NTM: variants seen among roughly 807,000 people sequenced by gnomAD.
The protein encoded by NTM is neurotrimin, also known as IgLON family member 2.
In NTM, 13 loss-of-function variants were observed where a neutral mutation model predicts 42.1. That is an observed-to-expected ratio of 0.31 (90% CI 0.20 to 0.49). The LOEUF (loss-of-function observed/expected upper bound fraction) is 0.49, where lower values mean the gene tolerates loss of function less well. NTM is among the 20% of genes least tolerant of loss of function. The pLI is 0.99. For synonymous variants in NTM, 187 were observed against 179.2 expected (o/e 1.04, Z -0.35); for missense variants, 373 against 452.8 (o/e 0.82, Z 1.60).
intron 1 of NTM, among the ~76,000 whole-genome samples, chr11:131,442,830 T>TACACACACAGAC (rs1555113231): frequency 6.6e-6 from 1 of 151,888 alleles, no homozygotes; most frequent in Admixed American, 6.6e-5. Context: ...TATATATATA[T>TACACACACAGAC]ACACACACAG....
At chr11:131,395,456 AC>A (rs1432147573) in intron 1 of NTM, among the ~76,000 whole-genome samples, 3 of 152,022 alleles carry the variant, frequency 2.0e-5, no homozygotes, top group Non-Finnish European at 2.9e-5. Context: ...TCATGTGCAA[AC>A]TTTTTTCTCT....
intron 2 of NTM, among the ~76,000 whole-genome samples, chr11:132,068,698 A>G (rs2056892342): frequency 6.6e-6 from 1 of 152,230 alleles, no homozygotes; most frequent in Admixed American, 6.5e-5. Context: ...AGTAAGAGAC[A>G]TCAAAAGGGG....
At chr11:131,625,126 A>G (rs2062970145) in intron 1 of NTM, among the ~76,000 whole-genome samples, 1 of 152,168 alleles carries the variant, frequency 6.6e-6, no homozygotes, top group Non-Finnish European at 1.5e-5. Context: ...TTTATACAGA[A>G]ATCAACCTTG....
intron 2 of NTM, among the ~76,000 whole-genome samples, chr11:131,983,656 A>G (rs2065623626): frequency 6.6e-6 from 1 of 152,204 alleles, no homozygotes; most frequent in Non-Finnish European, 1.5e-5. Context: ...TATTACAGGC[A>G]TGAGCCACCA....
At chr11:131,735,078 G>A (rs1273305690) in intron 1 of NTM, among the ~76,000 whole-genome samples, 1 of 152,310 alleles carries the variant, frequency 6.6e-6, no homozygotes. Context: ...GGTCTCCAGA[G>A]GTGCTAGATT....
chr11:131,612,762 C>G (rs912846761), intron 1 of NTM, among the ~76,000 whole-genome samples: 3 of 152,230 alleles, frequency 2.0e-5, no homozygotes. Flanking sequence ...CCCAGCCACA[C>G]CAGTTGGCAG....
At chr11:131,936,212 TTAAAA>T (rs1478624562) in intron 2 of NTM, among the ~76,000 whole-genome samples, 4 of 152,212 alleles carry the variant, frequency 2.6e-5, no homozygotes, top group Non-Finnish European at 5.9e-5. Flanking sequence ...TTGGTTAAAA[TTAAAA>T]TAATAAGTTT....
At chr11:132,313,439 A>G (rs1835772091) in intron 6 of NTM, among the ~76,000 whole-genome samples, 1 of 152,162 alleles carries the variant, frequency 6.6e-6, no homozygotes, top group Admixed American at 6.5e-5. Flanking sequence ...CTTTGTGTCC[A>G]TATTCCCTGA....
chr11:132,017,048 G>A (rs1293926231), intron 2 of NTM, among the ~76,000 whole-genome samples: 2 of 151,588 alleles, frequency 1.3e-5, no homozygotes, highest in African/African-American at 4.8e-5. Flanking sequence ...TCCTTTATTA[G>A]CTGTATGATT....
At chr11:132,328,627 C>T (rs2095735936) in intron 7 of NTM, among the ~76,000 whole-genome samples, 1 of 152,134 alleles carries the variant, frequency 6.6e-6, no homozygotes, top group African/African-American at 2.4e-5. Flanking sequence ...AACCAGTACG[C>T]CCATCACTGT....
rs575859481 is a variant in NTM at position 131,948,205 on chromosome 11, T to A, written c.167+36557T>A. On this transcript the variant is annotated intron_variant, in intron 2 of 8. Transcript: ENST00000683400. ...TGAAACCCCGTCTCTACTAAAAATA[T>A]AAAAAAAAAATTAGCCAGGCGTGGT... Among the ~76,000 whole-genome samples the A allele has an allele frequency of 5.5e-3, 813 of 148,726 alleles. 5 individuals carry two copies. The highest frequency in any genetic ancestry group is 0.018 in the African/African-American group (714 of 40,578).
intron 1 of NTM, among the ~76,000 whole-genome samples, chr11:131,731,689 G>A (rs1424715122): frequency 6.6e-6 from 1 of 152,102 alleles, no homozygotes; most frequent in Non-Finnish European, 1.5e-5. Context: ...CCTGAACATT[G>A]GCTGCAAAGC....
chr11:131,380,784 C>T (rs2135519289), intron 1 of NTM, among the ~76,000 whole-genome samples: 1 of 152,328 alleles, frequency 6.6e-6, no homozygotes, highest in Non-Finnish European at 1.5e-5. Context: ...CCCTGTAACT[C>T]TGTCGACTCA....
intron 8 of NTM, 35 bp from the exon 9 acceptor site, chr11:132,335,011 C>T (rs1565510333): frequency 6.2e-7 from 1 of 1,601,356 alleles, no homozygotes; most frequent in Non-Finnish European, 8.5e-7. Context: ...CCATTTTCTC[C>T]CAGACCACTC....
rs560589914 is a variant in NTM at position 131,531,095 on chromosome 11, A to C, written c.82+160207A>C. ...AGATGAGAAAGCTGAGGCTTTGGCA[A>C]AGCCGAGTGACAAGACCAAGGCTCC... is the stretch of plus-strand genomic sequence containing the variant. On this transcript the variant is annotated intron_variant, in intron 1 of 8. Transcript: ENST00000683400. 6.6e-5 allele frequency among the ~76,000 whole-genome samples: 10 copies of C among 152,356 alleles called. No homozygotes were observed. In the East Asian group the frequency reaches 1.9e-3, roughly 29 times the overall value.
At chr11:131,830,358 A>T (rs2042664668) in intron 1 of NTM, among the ~76,000 whole-genome samples, 1 of 152,250 alleles carries the variant, frequency 6.6e-6, no homozygotes, top group Non-Finnish European at 1.5e-5. Context: ...TGTAAAAGAC[A>T]GAAGTCAAGT....
chr11:131,682,789 C>T (rs185421882), intron 1 of NTM, among the ~76,000 whole-genome samples: 79 of 152,262 alleles, frequency 5.2e-4, no homozygotes, highest in African/African-American at 1.8e-3. Flanking sequence ...TGCTGGATCC[C>T]CTTTGGCTCC....
At chr11:131,954,051 G>A (rs557241849) in intron 2 of NTM, among the ~76,000 whole-genome samples, 85 of 152,298 alleles carry the variant, frequency 5.6e-4, no homozygotes, top group African/African-American at 1.8e-3. Context: ...TCGAATCGGA[G>A]GGATCCCCAA....
intron 1 of NTM, among the ~76,000 whole-genome samples, chr11:131,436,998 G>C (rs1213428272): frequency 6.6e-6 from 1 of 152,054 alleles, no homozygotes; most frequent in African/African-American, 2.4e-5. Flanking sequence ...TGTTCTCATT[G>C]GTTTCAAATA....
Sources: allele counts gnomAD v4.1 joint callset (sites outside exome capture counted in the v4.1 genomes callset), GRCh38; gene constraint gnomAD v4.1.1; transcripts MANE v1.5; gene names NCBI Gene and HGNC (gene_info 2026-07-23, HGNC 2026-07-21).